Variants in HLF observed in about 807,000 individuals in gnomAD.
The protein encoded by HLF is hepatic leukemia factor.
Under a neutral mutation model 22.6 loss-of-function variants are expected in HLF, and 3 were observed. The observed-to-expected ratio is 0.13, with a 90% confidence interval of 0.06 to 0.34. The LOEUF (loss-of-function observed/expected upper bound fraction) is 0.34, where lower values mean the gene tolerates loss of function less well. HLF is among the 10% of genes least tolerant of loss of function. The pLI, the probability that HLF is intolerant of heterozygous loss-of-function variation, is 1.00. For missense variants in HLF, 299 were observed against 389.2 expected (o/e 0.77, Z 1.95); for synonymous variants, 151 against 151.8 (o/e 0.99, Z 0.04).
intron 2 of HLF, among the ~76,000 whole-genome samples, chr17:55,275,870 A>T (rs2080900020): frequency 6.6e-6 from 1 of 152,218 alleles, no homozygotes; most frequent in Non-Finnish European, 1.5e-5. Context: ...TGGGAGGCTG[A>T]TGTGGGAGGA....
chr17:55,275,440 T>C (rs1429124076), intron 2 of HLF, among the ~76,000 whole-genome samples: 1 of 152,224 alleles, frequency 6.6e-6, no homozygotes, highest in Non-Finnish European at 1.5e-5. Flanking sequence ...TATTTGCTAA[T>C]AGATCAGTCA....
intron 2 of HLF, among the ~76,000 whole-genome samples, chr17:55,312,785 G>A (rs769466524): frequency 6.6e-6 from 1 of 152,064 alleles, no homozygotes; most frequent in African/African-American, 2.4e-5. Flanking sequence ...ATTTCGCAGC[G>A]AACATCTTTG....
In HLF at chr17:55,320,707, C is replaced by G. The variant is rs2145380020; in HGVS notation, c.716C>G (p.Ala239Gly). The change falls in exon 4 of 4, where the codon GCC becomes GGC. Residue 239 changes from alanine to glycine, a missense_variant. Ala to Gly is a moderately conservative substitution (Grantham distance 60). Around this residue, in one of 3 missense-constraint regions of HLF, gnomAD observed 224 missense variants for 298.1 expected, o/e 0.75. Transcript: ENST00000226067. The surrounding 1 kb of genome is among the most constrained non-coding windows in gnomAD (Gnocchi z 4.2). Reference sequence around the variant, plus strand: ...AGGCGCAGAAAGAACAACATGGCAGCCAAGCGCTCCCGCGACGCCCGGAGG... The same window carrying G: ...AGGCGCAGAAAGAACAACATGGCAGGCAAGCGCTCCCGCGACGCCCGGAGG... ...WARRRKNNMA[A>G]KRSRDARRLK... is the part of the protein sequence containing the mutation. 1 of 1,614,182 alleles carries G rather than the reference C, an allele frequency of 6.2e-7. No homozygotes were observed.
intron 2 of HLF, among the ~76,000 whole-genome samples, chr17:55,275,166 G>C (rs1203222861): frequency 6.6e-6 from 1 of 152,172 alleles, no homozygotes; most frequent in Non-Finnish European, 1.5e-5. Flanking sequence ...CGCGATCATG[G>C]TTCACCACAA....
intron 1 of HLF, chr17:55,265,829 G>C (rs990184105): frequency 3.1e-6 from 4 of 1,280,560 alleles, no homozygotes; most frequent in Non-Finnish European, 3.9e-6. Flanking sequence ...AGAGCTTCGG[G>C]CACCCGGCCT....
At chr17:55,265,738 T>G (rs1343743235) in intron 1 of HLF, 139 bp downstream of exon 1, 6 of 1,137,284 alleles carry the variant, frequency 5.3e-6, no homozygotes, top group Non-Finnish European at 7.0e-6. Flanking sequence ...GCTGATGAAA[T>G]TGAGGAGCTC....
In HLF at chr17:55,303,416, A is replaced by C. The variant is rs145168356; in HGVS notation, c.452-11811A>C. ...TACCATCCATTCCCTGCAAGTACAG[A>C]GGAAACTAGAAAGCTACCCTTCTCC... On this transcript the variant is annotated intron_variant, in intron 2 of 3. Coordinates refer to ENST00000226067, the MANE Select transcript of HLF (RefSeq NM_002126.5). Among the ~76,000 whole-genome samples the C allele has an allele frequency of 7.4e-3, 1,125 of 152,334 alleles. 16 individuals carry two copies. Among genetic ancestry groups the C allele is most frequent in the African/African-American group, 0.026 (1,074 of 41,574 alleles).
chr17:55,289,932 A>T (rs2081043381), intron 2 of HLF, among the ~76,000 whole-genome samples: 1 of 152,176 alleles, frequency 6.6e-6, no homozygotes, highest in African/African-American at 2.4e-5. Context: ...GGCCAGCCTC[A>T]TTCATTAGAA....
At chr17:55,276,586 C>G (rs973482552) in intron 2 of HLF, among the ~76,000 whole-genome samples, 1 of 152,114 alleles carries the variant, frequency 6.6e-6, no homozygotes, top group African/African-American at 2.4e-5. Context: ...GTTAATGCCC[C>G]ACAAAGTTAT....
intron 2 of HLF, among the ~76,000 whole-genome samples, chr17:55,299,510 A>G (rs1240384136): frequency 2.0e-5 from 3 of 152,194 alleles, no homozygotes; most frequent in Admixed American, 6.5e-5. Flanking sequence ...GGAAGCACCT[A>G]TGTTAGCCTT....
At chr17:55,287,418 C>T (rs1008827049) in intron 2 of HLF, among the ~76,000 whole-genome samples, 1 of 151,820 alleles carries the variant, frequency 6.6e-6, no homozygotes, top group African/African-American at 2.4e-5. Context: ...GGTATACTAG[C>T]CATGGTCACT....
At chr17:55,286,296 C>G (rs377478946) in intron 2 of HLF, among the ~76,000 whole-genome samples, 5 of 152,172 alleles carry the variant, frequency 3.3e-5, no homozygotes, top group South Asian at 4.2e-4. Flanking sequence ...TTTCTCCCCC[C>G]ACCCTTGTAC....
At chr17:55,314,476 C>G (rs7211945) in intron 2 of HLF, among the ~76,000 whole-genome samples, 5,808 of 152,296 alleles carry the variant, frequency 0.038, 200 homozygotes, top group African/African-American at 0.088. Context: ...AACATCAGCT[C>G]TTTGTCACTT....
At chr17:55,312,405 G>A (rs1394047143) in intron 2 of HLF, among the ~76,000 whole-genome samples, 1 of 152,186 alleles carries the variant, frequency 6.6e-6, no homozygotes, top group Non-Finnish European at 1.5e-5. Context: ...TGCGTGAGCA[G>A]TCTCACTTCT....
chr17:55,266,787 G>A (rs746525548), intron 1 of HLF: 5 of 983,954 alleles, frequency 5.1e-6, no homozygotes, highest in Non-Finnish European at 6.0e-6. Flanking sequence ...TTCCACCCAC[G>A]ACTGAATACT....
Position 55,324,938 on chromosome 17 carries a change from C to T in HLF, c.*4059C>T. The T allele has an allele frequency of 4.3e-6, 1 of 231,306 alleles. No homozygotes were observed. Among genetic ancestry groups the T allele is most frequent in the Non-Finnish European group, 8.6e-6 (1 of 116,558 alleles). The allele number at this position is 231,306 out of a possible 1,614,324, so 14.3% of individuals were successfully genotyped here. A position where few individuals can be genotyped will look rare whatever the true frequency, so the allele number is the denominator to read the frequency against. On this transcript the variant is annotated 3_prime_UTR_variant, in exon 4 of 4. Transcript: ENST00000226067. ...CACCACAAAGATCGCATCTGTTAAA[C>T]AGGTACAAGTTGACATGAGGTTAGT...
intron 2 of HLF, among the ~76,000 whole-genome samples, chr17:55,310,028 A>G (rs781443070): frequency 1.6e-4 from 25 of 152,354 alleles, no homozygotes; most frequent in Non-Finnish European, 3.7e-4. Context: ...AAAGAATATG[A>G]AATATCCTGT....
chr17:55,290,393 G>A lies in HLF; in HGVS notation c.451+22307G>A, dbSNP rs529966862. Reference sequence around the variant, plus strand: ...TTCCAACAGTATGTGTTCACTTGGTGTCTCTGTCATATTGTGGTGGTTCTA... The same window carrying A: ...TTCCAACAGTATGTGTTCACTTGGTATCTCTGTCATATTGTGGTGGTTCTA... On this transcript the variant is annotated intron_variant, in intron 2 of 3. Coordinates refer to ENST00000226067, the MANE Select transcript of HLF (RefSeq NM_002126.5). 2.0e-5 allele frequency among the ~76,000 whole-genome samples: 3 copies of A among 152,256 alleles called. No individual in the cohort carries two copies. In the East Asian group the frequency reaches 5.8e-4, roughly 29 times the overall value.
intron 3 of HLF, among the ~76,000 whole-genome samples, chr17:55,315,675 A>G (rs900403543): frequency 3.9e-5 from 6 of 152,190 alleles, no homozygotes; most frequent in African/African-American, 1.4e-4. Context: ...AAGCAGTAAA[A>G]TGTTGGAGTG....
Sources: allele counts gnomAD v4.1 joint callset (sites outside exome capture counted in the v4.1 genomes callset), GRCh38; gene constraint gnomAD v4.1.1; regional missense constraint gnomAD v4.1.1; non-coding constraint Gnocchi (gnomAD v3.1); transcripts MANE v1.5; gene names NCBI Gene and HGNC (gene_info 2026-07-23, HGNC 2026-07-21).